AUTS2: variants seen among roughly 807,000 people sequenced by gnomAD.
AUTS2 encodes autism susceptibility gene 2 protein.
AUTS2 carries 17 observed loss-of-function variants against 112.4 expected under a neutral mutation model. The ratio of observed to expected loss-of-function variants is 0.15; its 90% CI spans 0.10 to 0.23. AUTS2 has a LOEUF of 0.23. AUTS2 is among the 10% of genes least tolerant of loss of function. The probability of loss-of-function intolerance (pLI) is 1.00; values close to 1 mark genes in which losing one functional copy is unlikely to be tolerated. For missense variants in AUTS2, 1,510 were observed against 1,701.6 expected (o/e 0.89, Z 1.98); for synonymous variants, 751 against 702.7 (o/e 1.07, Z -1.09).
At chr7:70,721,495 TCAC>T (rs1032761277) in intron 6 of AUTS2, among the ~76,000 whole-genome samples, 1 of 152,190 alleles carries the variant, frequency 6.6e-6, no homozygotes, top group African/African-American at 2.4e-5. Context: ...AGACCGGTTT[TCAC>T]CATGTTGGCC....
chr7:70,042,551 A>G (rs921321908), intron 2 of AUTS2, among the ~76,000 whole-genome samples: 5 of 152,312 alleles, frequency 3.3e-5, no homozygotes, highest in Admixed American at 2.6e-4. Context: ...AAAGTAAAGC[A>G]AGTTCTAGTA....
chr7:69,714,249 ATGTGTGTGTGTG>A (rs200192496), intron 1 of AUTS2, among the ~76,000 whole-genome samples: 6 of 92,868 alleles, frequency 6.5e-5, no homozygotes, highest in African/African-American at 1.7e-4. Context: ...GTGTGTGTAT[ATGTGTGTGTGTG>A]TGTGTGTGTG....
chr7:70,590,593 G>C (rs547059028), intron 5 of AUTS2, among the ~76,000 whole-genome samples: 1 of 152,240 alleles, frequency 6.6e-6, no homozygotes, highest in South Asian at 2.1e-4. Flanking sequence ...CTTTGAGCCG[G>C]TCATCATAGT....
intron 1 of AUTS2, among the ~76,000 whole-genome samples, chr7:69,869,257 T>G (rs922093201): frequency 2.6e-5 from 4 of 152,112 alleles, no homozygotes; most frequent in Non-Finnish European, 5.9e-5. Flanking sequence ...ATTTTGTGAA[T>G]ACTGGATGAT....
At chr7:69,630,363 T>C (rs899794794) in intron 1 of AUTS2, among the ~76,000 whole-genome samples, 1 of 152,238 alleles carries the variant, frequency 6.6e-6, no homozygotes, top group African/African-American at 2.4e-5. Context: ...GATTTGAGTC[T>C]GTGGGAGTCG....
intron 4 of AUTS2, among the ~76,000 whole-genome samples, chr7:70,382,221 CAATTTGA>C (rs1793399477): frequency 6.6e-6 from 1 of 152,150 alleles, no homozygotes; most frequent in Admixed American, 6.5e-5. Context: ...CTAGGTCAAC[CAATTTGA>C]AAAACTCTAA....
chr7:69,712,949 A>C (rs1031892601), intron 1 of AUTS2, among the ~76,000 whole-genome samples: 1 of 152,134 alleles, frequency 6.6e-6, no homozygotes, highest in African/African-American at 2.4e-5. Flanking sequence ...GTTGTGGTTT[A>C]CATTTTCCTT....
chr7:69,974,684 T>C (rs1177686951), intron 2 of AUTS2, among the ~76,000 whole-genome samples: 1 of 152,188 alleles, frequency 6.6e-6, no homozygotes, highest in Non-Finnish European at 1.5e-5. Context: ...ATGGATTGAA[T>C]GAGGTCCACG....
chr7:69,848,858 A>C (rs541305486), intron 1 of AUTS2, among the ~76,000 whole-genome samples: 1 of 150,886 alleles, frequency 6.6e-6, no homozygotes, highest in Admixed American at 6.6e-5. Context: ...TTTGAAGTGG[A>C]CTCCCCCCGC....
chr7:70,035,944 C>T (rs1337367195), intron 2 of AUTS2, among the ~76,000 whole-genome samples: 1 of 152,128 alleles, frequency 6.6e-6, no homozygotes, highest in African/African-American at 2.4e-5. Context: ...ATGGTTCCTG[C>T]AGTAACAGAA....
intron 5 of AUTS2, among the ~76,000 whole-genome samples, chr7:70,519,617 T>G (rs553142655): frequency 2.0e-5 from 3 of 152,196 alleles, no homozygotes; most frequent in Non-Finnish European, 4.4e-5. Flanking sequence ...ACAAAACCTT[T>G]TATGGACAAA....
chr7:70,760,944 C>G (rs1291521146), intron 6 of AUTS2, among the ~76,000 whole-genome samples: 1 of 152,054 alleles, frequency 6.6e-6, no homozygotes, highest in South Asian at 2.1e-4. Context: ...TGTTATTGTT[C>G]CAGGCTGTTT....
Position 70,737,420 on chromosome 7 carries a change from A to C in AUTS2, c.743-25450A>C, listed in dbSNP as rs147435121. On this transcript the variant is annotated intron_variant, in intron 6 of 18. Coordinates refer to ENST00000342771, the MANE Select transcript of AUTS2 (RefSeq NM_015570.4). The stretch of plus-strand genomic sequence containing the variant: ...AGAGAACCTCACGTTTCTGATTGCC[A>C]GTCAGAAGGAATTTATTTTTGAAAC... Among the ~76,000 whole-genome samples, 229 of 152,366 alleles carry C rather than the reference A, an allele frequency of 1.5e-3. 1 individual carries two copies. The highest frequency in any genetic ancestry group is 5.2e-3 in the African/African-American group (217 of 41,588).
At chr7:70,760,191 G>A (rs909909106) in intron 6 of AUTS2, among the ~76,000 whole-genome samples, 1 of 152,128 alleles carries the variant, frequency 6.6e-6, no homozygotes, top group Non-Finnish European at 1.5e-5. Flanking sequence ...GTTTTTAGTA[G>A]AGGCAGGGTT....
At chr7:70,114,110 G>A (rs1165124644) in intron 2 of AUTS2, among the ~76,000 whole-genome samples, 1 of 152,150 alleles carries the variant, frequency 6.6e-6, no homozygotes, top group Non-Finnish European at 1.5e-5. Context: ...ATACCAGCTG[G>A]CTTTCATTTT....
At chr7:70,494,290 T>G (rs73175992) in intron 5 of AUTS2, among the ~76,000 whole-genome samples, 18,127 of 152,170 alleles carry the variant, frequency 0.12, 1,532 homozygotes, top group Non-Finnish European at 0.15. Context: ...TGGGTATTTT[T>G]TTTTTCAAAA....
chr7:70,501,749 CAT>C (rs1798781320), intron 5 of AUTS2, among the ~76,000 whole-genome samples: 1 of 152,116 alleles, frequency 6.6e-6, no homozygotes, highest in Non-Finnish European at 1.5e-5. Flanking sequence ...CATCAAACTC[CAT>C]ATGATTGTTA....
At chr7:69,922,580 A>C (rs903469072) in intron 2 of AUTS2, among the ~76,000 whole-genome samples, 4 of 152,346 alleles carry the variant, frequency 2.6e-5, no homozygotes, top group Admixed American at 1.3e-4. Flanking sequence ...TTCACTTCTC[A>C]GGGTGATTTT....
chr7:70,092,523 G>C (rs1042182825), intron 2 of AUTS2, among the ~76,000 whole-genome samples: 1 of 152,176 alleles, frequency 6.6e-6, no homozygotes, highest in African/African-American at 2.4e-5. Flanking sequence ...GATAGCCTGT[G>C]TGAGTGGTGA....
Sources: allele counts gnomAD v4.1 joint callset (sites outside exome capture counted in the v4.1 genomes callset), GRCh38; gene constraint gnomAD v4.1.1; transcripts MANE v1.5; gene names NCBI Gene and HGNC (gene_info 2026-07-23, HGNC 2026-07-21).